Variants in COQ8A observed in about 807,000 individuals in gnomAD.
COQ8A encodes atypical kinase COQ8A, mitochondrial.
A neutral mutation model predicts 65.0 loss-of-function variants in COQ8A; 51 were observed. That is an observed-to-expected ratio of 0.78 (90% CI 0.63 to 0.99). The LOEUF is 0.99. Ranked by LOEUF, COQ8A falls within the 50% of genes least tolerant of loss-of-function variation. The pLI is 0.00. For missense variants in COQ8A, 940 were observed against 875.0 expected, an observed-to-expected ratio of 1.07 and a Z score of -0.94; for synonymous variants, 371 against 353.2, an observed-to-expected ratio of 1.05 and a Z score of -0.57.
chr1:226,983,671 G>GT (rs757644950), intron 9 of COQ8A, 38 bp downstream of exon 9: 1 of 1,612,668 alleles, frequency 6.2e-7, no homozygotes, highest in Non-Finnish European at 8.5e-7. Context: ...GCAGGAGTGG[G>GT]TGGCAGGCAT....
rs200624777 is a variant in COQ8A at position 226,983,727 on chromosome 1, C to T, written c.1163-34C>T. On this transcript the variant is annotated intron_variant, in intron 9 of 14. Transcript: ENST00000366777. ...CAGAGGGGGTCCTCCCTGCAGAGCC[C>T]CCTTCCTCGCTGATGCCCTCCTCCC... 101 of 1,612,934 alleles carry T rather than the reference C, an allele frequency of 6.3e-5. No individual in the cohort carries two copies. The African/African-American group carries it at 1.2e-3, about 19-fold the overall frequency.
At chr1:226,953,371 C>T (rs141219656) in intron 1 of COQ8A, among the ~76,000 whole-genome samples, 143 of 152,350 alleles carry the variant, frequency 9.4e-4, no homozygotes, top group Admixed American at 1.9e-3. Flanking sequence ...CCTCCTATGA[C>T]TATTCCACCG....
At chr1:226,944,445 C>T (rs1338658781) in intron 1 of COQ8A, among the ~76,000 whole-genome samples, 1 of 151,604 alleles carries the variant, frequency 6.6e-6, no homozygotes, top group South Asian at 2.1e-4. Flanking sequence ...AAAAATAGGT[C>T]AGGGGCAAGG....
At chr1:226,947,679 C>T (rs1657125008) in intron 1 of COQ8A, among the ~76,000 whole-genome samples, 1 of 151,988 alleles carries the variant, frequency 6.6e-6, no homozygotes, top group Non-Finnish European at 1.5e-5. Context: ...TGTGGTGGTA[C>T]CCACCTGTAG....
At chr1:226,982,173 C>T (rs1659741708) in intron 6 of COQ8A, 24 bp downstream of exon 6, 2 of 1,557,108 alleles carry the variant, frequency 1.3e-6, no homozygotes, top group South Asian at 1.2e-5. Context: ...GGGGCTGCTG[C>T]CCCGGGACTG....
chr1:226,985,215 T>C (rs768424794), intron 13 of COQ8A, 39 bp from the exon 14 acceptor site: 1 of 1,605,304 alleles, frequency 6.2e-7, no homozygotes, highest in South Asian at 1.1e-5. Context: ...AGCTGAGCTT[T>C]TCATGCTGCC....
chr1:226,953,125 T>G (rs867933964), intron 1 of COQ8A, among the ~76,000 whole-genome samples: 3 of 152,024 alleles, frequency 2.0e-5, no homozygotes, highest in African/African-American at 7.2e-5. Context: ...CGCCTCCTGG[T>G]TTCAAGCCAT....
intron 4 of COQ8A, among the ~76,000 whole-genome samples, chr1:226,968,788 A>C (rs1365219624): frequency 6.6e-6 from 1 of 152,154 alleles, no homozygotes; most frequent in Non-Finnish European, 1.5e-5. Context: ...TGATGCTGAA[A>C]TGGGGGCGGG....
At chr1:226,977,938 C>A in intron 5 of COQ8A, among the ~76,000 whole-genome samples, 1 of 151,140 alleles carries the variant, frequency 6.6e-6, no homozygotes, top group Non-Finnish European at 1.5e-5. Context: ...CTTGCCCACC[C>A]ACCAAACACC....
At position 226,949,748 on chromosome 1, in the gene COQ8A, C is replaced by T. The variant is rs1031792296; in HGVS notation, c.-10+9349C>T. On this transcript the variant is annotated intron_variant, in intron 1 of 14. Coordinates refer to ENST00000366777, the MANE Select transcript of COQ8A (RefSeq NM_020247.5). The surrounding 1 kb of genome is among the most constrained non-coding windows in gnomAD (Gnocchi z 4.0). ...TCATTCCAGAATGTCTGTGTGCTTG[C>T]AATACTACTACTAATAATAATGGCA... is the stretch of plus-strand genomic sequence containing the variant. Among the ~76,000 whole-genome samples, 1 of 152,192 alleles carries T rather than the reference C, an allele frequency of 6.6e-6. No individual in the cohort carries two copies.
Position 226,946,071 on chromosome 1 carries a change from G to A in COQ8A, c.-10+5672G>A, listed in dbSNP as rs1179837339. Among the ~76,000 whole-genome samples, 2 of 152,188 alleles carry A rather than the reference G, an allele frequency of 1.3e-5. No individual in the cohort carries two copies. Among genetic ancestry groups the A allele is most frequent in the South Asian group, 2.1e-4 (1 of 4,832 alleles). Reference sequence around the variant, plus strand: ...CACGGAGCCTGGGTGCCTGGGTCCTGCCTCACTGACTCATAATGCTAATAA... The same window carrying A: ...CACGGAGCCTGGGTGCCTGGGTCCTACCTCACTGACTCATAATGCTAATAA... On this transcript the variant is annotated intron_variant, in intron 1 of 14. Coordinates refer to ENST00000366777, the MANE Select transcript of COQ8A (RefSeq NM_020247.5). The surrounding 1 kb of genome is among the most constrained non-coding windows in gnomAD (Gnocchi z 5.3).
chr1:226,984,008 C>T, intron 10 of COQ8A, 86 bp from the exon 11 acceptor site: 1 of 1,583,254 alleles, frequency 6.3e-7, no homozygotes, highest in Non-Finnish European at 8.6e-7. Context: ...TGAAGGAGGG[C>T]CCTCTGCCTG....
At chr1:226,969,458 G>A (rs549199171) in intron 4 of COQ8A, among the ~76,000 whole-genome samples, 1 of 152,032 alleles carries the variant, frequency 6.6e-6, no homozygotes, top group Non-Finnish European at 1.5e-5. Flanking sequence ...GATAAGTCTC[G>A]ATCTCCTGAC....
intron 1 of COQ8A, among the ~76,000 whole-genome samples, chr1:226,960,569 G>C (rs1282621139): frequency 2.7e-5 from 4 of 150,880 alleles, no homozygotes; most frequent in African/African-American, 7.3e-5. Flanking sequence ...GGTACTTGGT[G>C]GTGGTGGTGG....
rs543799737 is a variant in COQ8A at position 226,974,492 on chromosome 1, G to T, written c.656-2957G>T. Among the ~76,000 whole-genome samples the T allele has an allele frequency of 1.1e-3, 168 of 152,364 alleles. 1 individual carries two copies. The South Asian group carries it at 0.013, about 11-fold the overall frequency. Reference sequence around the variant, plus strand: ...GTCCTGAGGGCTGTGGGGGTGCCGAGTGGGGTCCCACGAGGACCCGGGGAG... The same window carrying T: ...GTCCTGAGGGCTGTGGGGGTGCCGATTGGGGTCCCACGAGGACCCGGGGAG... On this transcript the variant is annotated intron_variant, in intron 4 of 14. Transcript: ENST00000366777.
chr1:226,961,112 C>T (rs1658227315), intron 1 of COQ8A, among the ~76,000 whole-genome samples: 1 of 152,102 alleles, frequency 6.6e-6, no homozygotes, highest in African/African-American at 2.4e-5. Flanking sequence ...CTTGTGAGGC[C>T]CAGGTGAGGA....
intron 1 of COQ8A, among the ~76,000 whole-genome samples, chr1:226,940,844 C>T (rs183608006): frequency 6.6e-6 from 1 of 152,358 alleles, no homozygotes; most frequent in African/African-American, 2.4e-5. Flanking sequence ...CTCGTTGCCG[C>T]TGGCTGCAGG....
At chr1:226,980,820 C>T (rs570998365) in intron 5 of COQ8A, among the ~76,000 whole-genome samples, 18 of 152,344 alleles carry the variant, frequency 1.2e-4, no homozygotes, top group Non-Finnish European at 2.4e-4. Context: ...GCTCCTCTTC[C>T]GGGCCCGCAG....
intron 1 of COQ8A, among the ~76,000 whole-genome samples, chr1:226,948,929 TC>T (rs1657205075): frequency 6.6e-6 from 1 of 152,182 alleles, no homozygotes; most frequent in Non-Finnish European, 1.5e-5. Flanking sequence ...TCAAAGTATA[TC>T]CACCCACCCC....
Sources: allele counts gnomAD v4.1 joint callset (sites outside exome capture counted in the v4.1 genomes callset), GRCh38; gene constraint gnomAD v4.1.1; non-coding constraint Gnocchi (gnomAD v3.1); transcripts MANE v1.5; gene names NCBI Gene and HGNC (gene_info 2026-07-23, HGNC 2026-07-21).